KDM4C: variants seen among roughly 807,000 people sequenced by gnomAD.
The protein encoded by KDM4C is lysine-specific demethylase 4C.
Under a neutral mutation model 129.3 loss-of-function variants are expected in KDM4C, and 81 were observed. The ratio of observed to expected loss-of-function variants is 0.63; its 90% CI spans 0.52 to 0.75. The LOEUF is 0.75. Among genes scored for constraint, KDM4C ranks in the 30% least tolerant of loss-of-function variants. The pLI is 0.00. For missense variants in KDM4C, 1,457 were observed against 1,304.0 expected (o/e 1.12, Z -1.81); for synonymous variants, 573 against 456.1 (o/e 1.26, Z -3.26).
At chr9:7,106,109 T>G (rs1230002211) in intron 18 of KDM4C, among the ~76,000 whole-genome samples, 1 of 152,244 alleles carries the variant, frequency 6.6e-6, no homozygotes. Flanking sequence ...TACTTATCCA[T>G]TCTTCTTCCA....
chr9:6,839,826 C>CT (rs1041804673), intron 4 of KDM4C, among the ~76,000 whole-genome samples: 1 of 151,998 alleles, frequency 6.6e-6, no homozygotes, highest in Non-Finnish European at 1.5e-5. Flanking sequence ...TCGCTTGAAC[C>CT]TGGGAGGTGG....
chr9:6,831,324 C>T (rs1006064193), intron 4 of KDM4C, among the ~76,000 whole-genome samples: 3 of 152,006 alleles, frequency 2.0e-5, no homozygotes, highest in Non-Finnish European at 4.4e-5. Context: ...TAGACCCATA[C>T]TCCTCCCAAT....
chr9:6,815,578 G>T (rs1010369040), intron 4 of KDM4C, among the ~76,000 whole-genome samples: 6 of 152,188 alleles, frequency 3.9e-5, no homozygotes, highest in Non-Finnish European at 7.4e-5. Flanking sequence ...TACACACCTG[G>T]ATACCATTCA....
chr9:7,108,025 G>A (rs531766276), intron 18 of KDM4C, among the ~76,000 whole-genome samples: 5 of 152,238 alleles, frequency 3.3e-5, no homozygotes, highest in Non-Finnish European at 7.4e-5. Flanking sequence ...TGTGTGTTAG[G>A]TATTTCACAT....
chr9:7,169,137 A>G (rs1428599226), intron 20 of KDM4C, among the ~76,000 whole-genome samples: 1 of 152,126 alleles, frequency 6.6e-6, no homozygotes, highest in Non-Finnish European at 1.5e-5. Flanking sequence ...AGCCTCTTAA[A>G]GAAATGAACC....
At chr9:6,932,413 C>T (rs971503673) in intron 8 of KDM4C, among the ~76,000 whole-genome samples, 3 of 152,090 alleles carry the variant, frequency 2.0e-5, no homozygotes, top group African/African-American at 7.2e-5. Context: ...AGTAATGCCC[C>T]CTCCCACCTT....
At chr9:7,101,675 C>A (rs567192257) in intron 17 of KDM4C, among the ~76,000 whole-genome samples, 1 of 152,154 alleles carries the variant, frequency 6.6e-6, no homozygotes, top group Non-Finnish European at 1.5e-5. Context: ...TGTCTTCTTA[C>A]GCCTTTTTAG....
chr9:6,849,584 G>T lies in KDM4C; in HGVS notation c.513G>T (p.Glu171Asp). Residue 171 changes from glutamate to aspartate, a missense_variant, in exon 5 of 22, where the codon GAG becomes GAT. Glu to Asp is a conservative substitution (Grantham distance 45, BLOSUM62 2). Coordinates refer to ENST00000381309, the MANE Select transcript of KDM4C (RefSeq NM_015061.6). ...VVEEECGISI[E>D]GVNTPYLYFG... is the part of the protein sequence containing the mutation. Reference sequence around the variant, plus strand: ...AAGAAGAGTGTGGCATTTCTATTGAGGGTGTAAATACCCCATATCTCTATT... The same window carrying T: ...AAGAAGAGTGTGGCATTTCTATTGATGGTGTAAATACCCCATATCTCTATT... The T allele has an allele frequency of 6.2e-7, 1 of 1,613,784 alleles. No individual in the cohort carries two copies. Among genetic ancestry groups the T allele is most frequent in the Non-Finnish European group, 8.5e-7 (1 of 1,179,834 alleles).
At chr9:6,769,550 A>G (rs1016276980) in intron 1 of KDM4C, among the ~76,000 whole-genome samples, 3 of 152,210 alleles carry the variant, frequency 2.0e-5, no homozygotes, top group Non-Finnish European at 2.9e-5. Flanking sequence ...CTAACATCAC[A>G]GAGAACTTTT....
In KDM4C at chr9:6,948,920, C is replaced by T. The variant is rs796873575; in HGVS notation, c.922-32005C>T. 3.1e-3 allele frequency among the ~76,000 whole-genome samples: 474 copies of T among 152,300 alleles called. 1 individual carries two copies. The highest frequency in any genetic ancestry group is 0.011 in the African/African-American group (450 of 41,546). Reference sequence around the variant, plus strand: ...TGCAGCAACAATCTGATTTCTCTATCTTTTCCCCACATTTCCCCCTTCTCT... The same window carrying T: ...TGCAGCAACAATCTGATTTCTCTATTTTTTCCCCACATTTCCCCCTTCTCT... On this transcript the variant is annotated intron_variant, in intron 8 of 21. Transcript: ENST00000381309.
At chr9:6,947,883 T>C (rs1589254631) in intron 8 of KDM4C, 1 of 152,284 alleles carries the variant, frequency 6.6e-6, no homozygotes, top group African/African-American at 2.4e-5. Context: ...CTGAGAACCA[T>C]TGCTGTACAC....
intron 17 of KDM4C, among the ~76,000 whole-genome samples, chr9:7,072,177 A>T (rs937191528): frequency 1.2e-4 from 18 of 152,190 alleles, no homozygotes; most frequent in African/African-American, 4.3e-4. Flanking sequence ...GACGTTTAGC[A>T]ACTGGAATGC....
intron 6 of KDM4C, among the ~76,000 whole-genome samples, chr9:6,883,919 G>GT (rs1844856688): frequency 6.6e-6 from 1 of 152,050 alleles, no homozygotes; most frequent in Admixed American, 6.6e-5. Flanking sequence ...CAGGAATGCA[G>GT]TAAAAAAAAC....
At chr9:6,831,993 G>C (rs1834910765) in intron 4 of KDM4C, among the ~76,000 whole-genome samples, 1 of 152,162 alleles carries the variant, frequency 6.6e-6, no homozygotes, top group Admixed American at 6.5e-5. Flanking sequence ...CTTATTATAA[G>C]ACATGATGAC....
intron 11 of KDM4C, among the ~76,000 whole-genome samples, chr9:6,989,652 G>A (rs1818371432): frequency 6.6e-6 from 1 of 151,812 alleles, no homozygotes; most frequent in South Asian, 2.1e-4. Context: ...GGAAAGAAGT[G>A]TTGCAGTATT....
chr9:7,076,555 T>C (rs1005642933), intron 17 of KDM4C: 1 of 1,526,342 alleles, frequency 6.6e-7, no homozygotes, highest in African/African-American at 1.4e-5. Flanking sequence ...TCAGATGCTG[T>C]TTCTCATTCT....
intron 8 of KDM4C, among the ~76,000 whole-genome samples, chr9:6,975,677 T>C (rs1253309275): frequency 6.6e-6 from 1 of 152,158 alleles, no homozygotes; most frequent in East Asian, 1.9e-4. Flanking sequence ...TGGTTAAGTA[T>C]AGAGTGGTGT....
chr9:6,752,864 A>G (rs1433244073), upstream of KDM4C, among the ~76,000 whole-genome samples: 2 of 152,198 alleles, frequency 1.3e-5, no homozygotes, highest in East Asian at 1.9e-4. Context: ...CAATGAAGAT[A>G]TCTTTTAAGT....
chr9:6,856,795 G>A (rs1417818566), intron 5 of KDM4C, among the ~76,000 whole-genome samples: 10 of 140,978 alleles, frequency 7.1e-5, no homozygotes, highest in African/African-American at 2.7e-4. Context: ...CTGTCGCCCA[G>A]GCCGGACTGC....
Sources: allele counts gnomAD v4.1 joint callset (sites outside exome capture counted in the v4.1 genomes callset), GRCh38; gene constraint gnomAD v4.1.1; transcripts MANE v1.5; gene names NCBI Gene and HGNC (gene_info 2026-07-23, HGNC 2026-07-21).